ATP10A: variants seen among roughly 807,000 people sequenced by gnomAD.
ATP10A encodes the protein ATPase phospholipid transporting 10A (putative), also known as phospholipid-transporting ATPase VA.
A neutral mutation model predicts 147.8 loss-of-function variants in ATP10A; 111 were observed. The ratio of observed to expected loss-of-function variants is 0.75; its 90% CI spans 0.64 to 0.88. The LOEUF (loss-of-function observed/expected upper bound fraction) is 0.88, where lower values mean the gene tolerates loss of function less well. ATP10A is among the 40% of genes least tolerant of loss of function. The probability of loss-of-function intolerance (pLI) is 0.00; values close to 1 mark genes in which losing one functional copy is unlikely to be tolerated. For missense variants in ATP10A, 1,927 were observed against 1,959.0 expected (o/e 0.98, Z 0.31); for synonymous variants, 875 against 841.6 (o/e 1.04, Z -0.69).
At chr15:25,792,540 T>C (rs1181706956) in intron 1 of ATP10A, among the ~76,000 whole-genome samples, 1 of 152,196 alleles carries the variant, frequency 6.6e-6, no homozygotes, top group Non-Finnish European at 1.5e-5. Flanking sequence ...ATGTTGCATG[T>C]ATTTAAATGA....
downstream of ATP10A, among the ~76,000 whole-genome samples, chr15:25,674,330 T>C (rs963151478): frequency 4.6e-5 from 7 of 152,172 alleles, no homozygotes; most frequent in Non-Finnish European, 1.0e-4. Context: ...TCACAGGCCT[T>C]GAGCTTGGAC....
chr15:25,851,196 G>A (rs1270979607), intron 1 of ATP10A, among the ~76,000 whole-genome samples: 2 of 152,016 alleles, frequency 1.3e-5, no homozygotes, highest in Non-Finnish European at 2.9e-5. Context: ...CAGAAATAAG[G>A]CAGGTCTCTG....
chr15:25,862,380 G>A, intron 1 of ATP10A: 1 of 649,640 alleles, frequency 1.5e-6, no homozygotes, highest in South Asian at 1.5e-5. Flanking sequence ...CTAGCCTTGG[G>A]ATCATTCTGG....
At chr15:25,752,245 A>G (rs1888192453) in intron 2 of ATP10A, among the ~76,000 whole-genome samples, 1 of 152,210 alleles carries the variant, frequency 6.6e-6, no homozygotes, top group Non-Finnish European at 1.5e-5. Context: ...CAATAATGGA[A>G]TCAACCCAAG....
intron 2 of ATP10A, among the ~76,000 whole-genome samples, chr15:25,763,401 C>A (rs941828720): frequency 6.6e-6 from 1 of 152,210 alleles, no homozygotes; most frequent in Non-Finnish European, 1.5e-5. Flanking sequence ...GGCTCCTCCC[C>A]CTGCATCCAG....
chr15:25,839,483 C>T (rs1226438445), intron 1 of ATP10A, among the ~76,000 whole-genome samples: 1 of 152,130 alleles, frequency 6.6e-6, no homozygotes, highest in East Asian at 1.9e-4. Context: ...ATGCCGTTGA[C>T]CAAGATCTTC....
At chr15:25,724,101 T>G (rs1902407273) in intron 5 of ATP10A, 80 bp from the exon 6 acceptor site, 6 of 1,341,408 alleles carry the variant, frequency 4.5e-6, no homozygotes, top group Non-Finnish European at 3.9e-6. Flanking sequence ...AAGCAAAACT[T>G]TAATATTTGT....
At chr15:25,812,189 A>G (rs1403143931) in intron 1 of ATP10A, among the ~76,000 whole-genome samples, 1 of 152,196 alleles carries the variant, frequency 6.6e-6, no homozygotes, top group Non-Finnish European at 1.5e-5. Flanking sequence ...TGTTGCTAAC[A>G]GTTTCCTTAG....
At chr15:25,698,750 A>G (rs1261632818) in intron 13 of ATP10A, among the ~76,000 whole-genome samples, 1 of 152,158 alleles carries the variant, frequency 6.6e-6, no homozygotes, top group Non-Finnish European at 1.5e-5. Flanking sequence ...TCAATTTACA[A>G]ATTTTCAACT....
At chr15:25,795,239 C>T (rs997912002) in intron 1 of ATP10A, among the ~76,000 whole-genome samples, 1 of 152,186 alleles carries the variant, frequency 6.6e-6, no homozygotes, top group Non-Finnish European at 1.5e-5. Flanking sequence ...CCTTCTCAGC[C>T]ACACAGCCCA....
intron 2 of ATP10A, among the ~76,000 whole-genome samples, chr15:25,773,338 A>G (rs545673426): frequency 1.3e-5 from 2 of 152,212 alleles, no homozygotes; most frequent in African/African-American, 2.4e-5. Context: ...GATAACTCCA[A>G]TGTCTGCGGA....
At chr15:25,852,654 C>T (rs953587326) in intron 1 of ATP10A, among the ~76,000 whole-genome samples, 1 of 152,272 alleles carries the variant, frequency 6.6e-6, no homozygotes, top group South Asian at 2.1e-4. Flanking sequence ...GGAAGAAAAA[C>T]TGAAGTCTGT....
At chr15:25,796,019 G>A (rs544904136) in intron 1 of ATP10A, among the ~76,000 whole-genome samples, 3 of 152,296 alleles carry the variant, frequency 2.0e-5, no homozygotes, top group African/African-American at 7.2e-5. Context: ...GCAGATGCTG[G>A]TGCCATGCTT....
In ATP10A at chr15:25,721,515, C is replaced by T. The variant is rs1466056014; in HGVS notation, c.1363+142G>A. On this transcript the variant is annotated intron_variant, in intron 7 of 20. Coordinates refer to ENST00000555815, the MANE Select transcript of ATP10A (RefSeq NM_024490.4). ...CTGCTGTGACAGCCACGTCTTTATA[C>T]TCCCTTGAAAATCAGTAATCCCTGA... 4 of 1,248,662 alleles carry T rather than the reference C, an allele frequency of 3.2e-6. No homozygotes were observed. In the East Asian group the frequency reaches 7.1e-5, roughly 22 times the overall value. 77.3% of individuals were successfully genotyped at this position (1,248,662 alleles called of 1,614,324 possible).
At chr15:25,858,039 C>T (rs1893591091) in intron 1 of ATP10A, among the ~76,000 whole-genome samples, 1 of 152,166 alleles carries the variant, frequency 6.6e-6, no homozygotes, top group Admixed American at 6.5e-5. Flanking sequence ...GGAAAAGAAA[C>T]GTTCTTTTTC....
chr15:25,724,345 G>A (rs147087415), intron 5 of ATP10A, among the ~76,000 whole-genome samples: 4 of 152,248 alleles, frequency 2.6e-5, no homozygotes, highest in East Asian at 1.9e-4. Flanking sequence ...TTCTTAACAC[G>A]CATCTCACGA....
intron 2 of ATP10A, 64 bp from the exon 3 acceptor site, chr15:25,736,205 C>T (rs1028236683): frequency 7.3e-7 from 1 of 1,377,228 alleles, no homozygotes; most frequent in Admixed American, 1.8e-5. Context: ...CTAAAAGGCA[C>T]TCGCTTTTCT....
chr15:25,785,954 C>T (rs186415316), intron 1 of ATP10A, among the ~76,000 whole-genome samples: 293 of 152,312 alleles, frequency 1.9e-3, no homozygotes, highest in Non-Finnish European at 3.1e-3. Flanking sequence ...GTCCGGTCTC[C>T]GGAGGTGTCT....
intron 4 of ATP10A, 44 bp from the exon 5 acceptor site, chr15:25,726,126 C>T (rs1462264433): frequency 6.3e-7 from 1 of 1,597,984 alleles, no homozygotes; most frequent in Non-Finnish European, 8.6e-7. Flanking sequence ...GAGACTGGAG[C>T]TAAGGGACCA....
Sources: allele counts gnomAD v4.1 joint callset (sites outside exome capture counted in the v4.1 genomes callset), GRCh38; gene constraint gnomAD v4.1.1; transcripts MANE v1.5; gene names NCBI Gene and HGNC (gene_info 2026-07-23, HGNC 2026-07-21).